DOCK10: variants seen among roughly 807,000 people sequenced by gnomAD.
DOCK10 encodes the protein dedicator of cytokinesis protein 10.
A neutral mutation model predicts 280.1 loss-of-function variants in DOCK10; 145 were observed. That is an observed-to-expected ratio of 0.52 (90% confidence interval 0.45 to 0.59). The LOEUF is 0.59. Ranked by LOEUF, DOCK10 falls within the 20% of genes least tolerant of loss-of-function variation. The probability of loss-of-function intolerance (pLI) is 0.00; values close to 1 mark genes in which losing one functional copy is unlikely to be tolerated. For synonymous variants in DOCK10, 915 were observed against 942.2 expected (o/e 0.97, Z 0.53); for missense variants, 2,368 against 2,651.7 (o/e 0.89, Z 2.35).
rs1698501136 is a variant in DOCK10 at position 224,874,462 on chromosome 2, C to A, written c.1018-113G>T. 9.6e-6 allele frequency: 9 copies of A among 942,072 alleles called. No individual in the cohort carries two copies. In the East Asian group the frequency reaches 2.3e-4, roughly 24 times the overall value. 58.4% of individuals were successfully genotyped at this position (942,072 alleles called of 1,614,324 possible). On this transcript the variant is annotated intron_variant, in intron 9 of 55. Coordinates refer to ENST00000258390, the MANE Select transcript of DOCK10 (RefSeq NM_014689.3). ...GTATTATCACCATTTTAGTATTACC[C>A]ATTAACACTTGGCAAATCTTGTAAA... is the stretch of plus-strand genomic sequence containing the variant.
At chr2:224,800,325 G>T in intron 40 of DOCK10, 62 bp from the exon 41 acceptor site, 1 of 950,084 alleles carries the variant, frequency 1.1e-6, no homozygotes, top group Non-Finnish European at 1.6e-6. Context: ...CCCTATAAAG[G>T]ATTTCCTTTC....
intron 1 of DOCK10, among the ~76,000 whole-genome samples, chr2:225,023,310 A>T (rs1011921580): frequency 7.2e-5 from 11 of 152,170 alleles, no homozygotes; most frequent in Non-Finnish European, 1.5e-4. Context: ...TGCTGGGATT[A>T]CAGGTGTGAG....
chr2:224,772,457 G>A (rs189058398), intron 53 of DOCK10, among the ~76,000 whole-genome samples: 100 of 152,228 alleles, frequency 6.6e-4, no homozygotes, highest in African/African-American at 2.1e-3. Context: ...GCCCCAGGGC[G>A]TCCTCCTTGC....
intron 1 of DOCK10, among the ~76,000 whole-genome samples, chr2:224,943,530 C>G (rs1703209582): frequency 6.6e-6 from 1 of 152,124 alleles, no homozygotes; most frequent in Non-Finnish European, 1.5e-5. Flanking sequence ...ATAATCATCA[C>G]AAAAACAGAT....
rs762415165 is a variant in DOCK10, at chr2:224,874,362, T to C, written c.1018-13A>G. The C allele has an allele frequency of 1.9e-5, 30 of 1,597,660 alleles. No homozygotes were observed. The highest frequency in any genetic ancestry group is 5.6e-5 in the South Asian group (5 of 89,604). ...TTTCTGTGAGGTACTACAGAGAAAA[T>C]TGTGTTAGTCCTTGGTATCTAAATA... On this transcript the variant is annotated splice_polypyrimidine_tract_variant and intron_variant, in intron 9 of 55. Transcript: ENST00000258390.
At chr2:224,940,265 G>A (rs13409008) in intron 1 of DOCK10, among the ~76,000 whole-genome samples, 36,687 of 151,928 alleles carry the variant, frequency 0.24, 4,763 homozygotes, top group Admixed American at 0.28. Flanking sequence ...TCCATTCCTC[G>A]TTCTTTTCTG....
chr2:224,777,921 A>G (rs1227268503), intron 51 of DOCK10, among the ~76,000 whole-genome samples: 1 of 152,216 alleles, frequency 6.6e-6, no homozygotes, highest in Non-Finnish European at 1.5e-5. Flanking sequence ...TAGAGAATTT[A>G]CTAAGCTCTT....
intron 55 of DOCK10, among the ~76,000 whole-genome samples, chr2:224,769,678 G>A (rs769243545): frequency 5.3e-5 from 8 of 152,192 alleles, no homozygotes; most frequent in East Asian, 1.9e-4. Context: ...CATCCCAGAC[G>A]TCACGGATGA....
intron 1 of DOCK10, among the ~76,000 whole-genome samples, chr2:225,037,078 T>G (rs1559989004): frequency 6.6e-6 from 1 of 152,166 alleles, no homozygotes. Flanking sequence ...AGACACACAA[T>G]GCATTGAGGA....
At chr2:225,016,883 AT>A (rs35083553) in intron 1 of DOCK10, among the ~76,000 whole-genome samples, 76,473 of 150,614 alleles carry the variant, frequency 0.51, 20,334 homozygotes, top group South Asian at 0.69. Context: ...TTGAATTTTT[AT>A]TTTGTATTTT....
At chr2:224,991,267 G>A (rs751988961) in intron 1 of DOCK10, among the ~76,000 whole-genome samples, 25 of 152,166 alleles carry the variant, frequency 1.6e-4, no homozygotes, top group Non-Finnish European at 7.4e-5. Flanking sequence ...ATGAGCATGA[G>A]TTTTGGAATT....
At chr2:224,895,637 G>T (rs899137420) in intron 4 of DOCK10, among the ~76,000 whole-genome samples, 3 of 152,050 alleles carry the variant, frequency 2.0e-5, no homozygotes, top group Non-Finnish European at 4.4e-5. Context: ...TGCCCTTTGG[G>T]GATTTTTACT....
intron 1 of DOCK10, among the ~76,000 whole-genome samples, chr2:224,941,608 C>A (rs533902191): frequency 1.4e-4 from 21 of 152,174 alleles, no homozygotes; most frequent in Non-Finnish European, 2.1e-4. Context: ...CGTTGGAAGG[C>A]CAAGGTGGGT....
intron 19 of DOCK10, among the ~76,000 whole-genome samples, chr2:224,849,231 C>T (rs1696566913): frequency 6.6e-6 from 1 of 152,214 alleles, no homozygotes; most frequent in South Asian, 2.1e-4. Flanking sequence ...GCCTTGGCCT[C>T]CCAAAGTGCT....
At chr2:224,792,638 C>T (rs1692278803) in intron 47 of DOCK10, among the ~76,000 whole-genome samples, 1 of 152,162 alleles carries the variant, frequency 6.6e-6, no homozygotes, top group South Asian at 2.1e-4. Flanking sequence ...AAATAGATTC[C>T]TCTTGCAATT....
At chr2:224,871,676 C>A (rs926120734) in intron 11 of DOCK10, among the ~76,000 whole-genome samples, 1 of 152,102 alleles carries the variant, frequency 6.6e-6, no homozygotes, top group Non-Finnish European at 1.5e-5. Flanking sequence ...TGTCTTGGTG[C>A]ATTTGTACTT....
At chr2:224,994,027 CT>C (rs1469717666) in intron 1 of DOCK10, among the ~76,000 whole-genome samples, 3 of 152,180 alleles carry the variant, frequency 2.0e-5, no homozygotes, top group Non-Finnish European at 2.9e-5. Flanking sequence ...CATGAACATG[CT>C]TTGGGTTCTA....
At chr2:224,828,739 T>G (rs1042325534) in intron 27 of DOCK10, among the ~76,000 whole-genome samples, 1 of 152,090 alleles carries the variant, frequency 6.6e-6, no homozygotes, top group African/African-American at 2.4e-5. Flanking sequence ...GTGAGTATCA[T>G]GACAAATGAC....
rs370539208 is a variant in DOCK10, at chr2:224,887,309, TG to T, written c.417-779del. On this transcript the variant is annotated intron_variant, in intron 4 of 55. Coordinates refer to ENST00000258390, the MANE Select transcript of DOCK10 (RefSeq NM_014689.3). ...TGACCCTGAGAACCAGTCTGTACTG[TG>T]GCCACTAGGCTGTGTTGCTCCCTAA... Among the ~76,000 whole-genome samples the T allele has an allele frequency of 3.2e-3, 485 of 152,300 alleles. 9 individuals are homozygous for T. The highest frequency in any genetic ancestry group is 0.011 in the African/African-American group (462 of 41,548).
Sources: gnomAD v4.1 joint callset for allele counts (sites outside exome capture counted in the v4.1 genomes callset) on GRCh38, gnomAD v4.1.1 for gene constraint, MANE v1.5 for transcripts, NCBI Gene and HGNC (gene_info 2026-07-23, HGNC 2026-07-21) for gene names.